UGT1A7: variants seen among roughly 807,000 people sequenced by gnomAD.
UGT1A7 encodes the protein UDP-glucuronosyltransferase 1A7.
UGT1A7 carries 33 observed loss-of-function variants against 45.6 expected under a neutral mutation model. The observed-to-expected ratio is 0.72, with a 90% confidence interval of 0.55 to 0.97. The LOEUF is 0.97. UGT1A7 is among the 50% of genes least tolerant of loss of function. UGT1A7 has a pLI of 0.00. For missense variants in UGT1A7, 684 were observed against 666.2 expected (o/e 1.03, Z -0.29); for synonymous variants, 274 against 250.6 (o/e 1.09, Z -0.88).
chr2:233,763,843 G>A (rs1698410988), intron 1 of UGT1A7, among the ~76,000 whole-genome samples: 1 of 152,204 alleles, frequency 6.6e-6, no homozygotes, highest in Non-Finnish European at 1.5e-5. Context: ...GGGTAAGATA[G>A]CAGTGGTTCA....
At chr2:233,758,574 A>G (rs1051442664) in intron 1 of UGT1A7, among the ~76,000 whole-genome samples, 1 of 152,190 alleles carries the variant, frequency 6.6e-6, no homozygotes, top group Non-Finnish European at 1.5e-5. Flanking sequence ...CTAAAAAATG[A>G]AGAGTGTTTG....
intron 1 of UGT1A7, among the ~76,000 whole-genome samples, chr2:233,706,826 G>A (rs1466880885): frequency 6.6e-6 from 1 of 152,170 alleles, no homozygotes; most frequent in African/African-American, 2.4e-5. Context: ...CCCAGGGCAG[G>A]ACTCTAAACA....
chr2:233,735,646 T>C (rs1050886537), intron 1 of UGT1A7, among the ~76,000 whole-genome samples: 1 of 152,236 alleles, frequency 6.6e-6, no homozygotes, highest in South Asian at 2.1e-4. Flanking sequence ...CAGTGGCTGG[T>C]ACTGGTGTTT....
intron 1 of UGT1A7, among the ~76,000 whole-genome samples, chr2:233,701,633 T>C (rs926764680): frequency 6.6e-6 from 1 of 152,218 alleles, no homozygotes; most frequent in Non-Finnish European, 1.5e-5. Context: ...ACAGAAATTA[T>C]AGCAAACTGT....
chr2:233,742,812 T>C (rs992545321), intron 1 of UGT1A7: 2 of 153,630 alleles, frequency 1.3e-5, no homozygotes, highest in African/African-American at 4.9e-5. Context: ...AGTATTGATA[T>C]TATTTGTAGA....
chr2:233,761,113 G>T (rs72551345), intron 1 of UGT1A7: 1 of 1,614,106 alleles, frequency 6.2e-7, no homozygotes, highest in South Asian at 1.1e-5. Flanking sequence ...GGTTTTTGTT[G>T]GTGGAATCAA....
intron 1 of UGT1A7, chr2:233,692,960 G>A: frequency 1.2e-6 from 2 of 1,608,304 alleles, no homozygotes; most frequent in Non-Finnish European, 1.7e-6. Flanking sequence ...GTGATTTGGA[G>A]AGTGAAAACT....
intron 1 of UGT1A7, chr2:233,717,654 A>G (rs1175900251): frequency 1.5e-5 from 6 of 405,858 alleles, no homozygotes; most frequent in Admixed American, 1.3e-4. Flanking sequence ...CAGGACAAGG[A>G]AGCATCAGCA....
intron 1 of UGT1A7, chr2:233,754,417 C>A (rs964577009): frequency 5.9e-6 from 2 of 341,006 alleles, no homozygotes; most frequent in Non-Finnish European, 1.2e-5. Flanking sequence ...ACAATAAAGA[C>A]AGGCATTGGC....
At chr2:233,746,577 T>C (rs1395681338) in intron 1 of UGT1A7, among the ~76,000 whole-genome samples, 4 of 151,762 alleles carry the variant, frequency 2.6e-5, no homozygotes, top group Non-Finnish European at 4.4e-5. Context: ...CACCCTGTAA[T>C]TGCCTAGTTG....
At chr2:233,737,494 C>T (rs1180844627) in intron 1 of UGT1A7, among the ~76,000 whole-genome samples, 1 of 152,208 alleles carries the variant, frequency 6.6e-6, no homozygotes, top group South Asian at 2.1e-4. Context: ...AGGGAAATCC[C>T]TCACCCTCTT....
intron 1 of UGT1A7, among the ~76,000 whole-genome samples, chr2:233,683,415 TG>T (rs1393615511): frequency 2.6e-5 from 4 of 152,164 alleles, no homozygotes; most frequent in Non-Finnish European, 5.9e-5. Context: ...TTTCCACTTT[TG>T]GGGTTTATGA....
At chr2:233,690,156 A>C (rs1379009304) in intron 1 of UGT1A7, among the ~76,000 whole-genome samples, 1 of 152,236 alleles carries the variant, frequency 6.6e-6, no homozygotes, top group Non-Finnish European at 1.5e-5. Context: ...GGATTCATTG[A>C]CATGTAGTTA....
chr2:233,766,145 C>G (rs1400021152), intron 1 of UGT1A7, among the ~76,000 whole-genome samples: 2 of 152,164 alleles, frequency 1.3e-5, no homozygotes, highest in Non-Finnish European at 2.9e-5. Flanking sequence ...CGAATCCCAC[C>G]TGGGCTTGGA....
At chr2:233,702,163 C>G (rs1426728251) in intron 1 of UGT1A7, among the ~76,000 whole-genome samples, 1 of 152,174 alleles carries the variant, frequency 6.6e-6, no homozygotes, top group East Asian at 1.9e-4. Context: ...TATTATCAGT[C>G]ACTCTTCTTT....
At chr2:233,705,148 AAGAG>A (rs939982250) in intron 1 of UGT1A7, among the ~76,000 whole-genome samples, 12 of 150,988 alleles carry the variant, frequency 7.9e-5, no homozygotes, top group Non-Finnish European at 1.5e-4. Context: ...AAAAAAAAAA[AAGAG>A]AGAGAGAGAG....
At chr2:233,683,140 G>T (rs2074619187) in intron 1 of UGT1A7, among the ~76,000 whole-genome samples, 1 of 151,960 alleles carries the variant, frequency 6.6e-6, no homozygotes, top group South Asian at 2.1e-4. Context: ...AGTTTTGTGT[G>T]AATTGTTTTC....
At chr2:233,757,238 G>A (rs191269433) in intron 1 of UGT1A7, among the ~76,000 whole-genome samples, 1 of 149,106 alleles carries the variant, frequency 6.7e-6, no homozygotes, top group Non-Finnish European at 1.5e-5. Context: ...AGAAGTGGTG[G>A]TGAGGTGGGG....
intron 1 of UGT1A7, chr2:233,690,651 A>G: frequency 7.8e-7 from 1 of 1,284,640 alleles, no homozygotes; most frequent in Non-Finnish European, 1.0e-6. Flanking sequence ...CTTGACTCCT[A>G]CAGCACCAAC....
Sources: gnomAD v4.1 joint callset for allele counts (sites outside exome capture counted in the v4.1 genomes callset) on GRCh38, gnomAD v4.1.1 for gene constraint, MANE v1.5 for transcripts, NCBI Gene and HGNC (gene_info 2026-07-23, HGNC 2026-07-21) for gene names.